GALNT7: variants seen among roughly 807,000 people sequenced by gnomAD.
The protein encoded by GALNT7 is polypeptide N-acetylgalactosaminyltransferase 7.
GALNT7 carries 60 observed loss-of-function variants against 82.1 expected under a neutral mutation model. That is an observed-to-expected ratio of 0.73 (90% CI 0.59 to 0.91). GALNT7 has a LOEUF of 0.91. GALNT7 is among the 40% of genes least tolerant of loss of function. The pLI is 0.00. For synonymous variants in GALNT7, 243 were observed against 275.1 expected (o/e 0.88, Z 1.15); for missense variants, 660 against 804.2 (o/e 0.82, Z 2.17).
rs34593349 is a variant in GALNT7 at position 173,218,983 on chromosome 4, A to AT, written c.127-28987dup. Among the ~76,000 whole-genome samples, 8 of 149,242 alleles carry AT rather than the reference A, an allele frequency of 5.4e-5. No homozygotes were observed. The East Asian group carries it at 9.8e-4, about 18-fold the overall frequency. On this transcript the variant is annotated intron_variant, in intron 1 of 11. Coordinates refer to ENST00000265000, the MANE Select transcript of GALNT7 (RefSeq NM_017423.3). The stretch of plus-strand genomic sequence containing the variant: ...AGTTGTTTTCTTTTTTCTTAAAAAA[A>AT]TTTTTTTTTTCAACAGGTTTTTGGG...
At position 173,319,688 on chromosome 4, in the gene GALNT7, A is replaced by C. The variant is rs537654867; in HGVS notation, c.1836+1129A>C. 4.6e-5 allele frequency among the ~76,000 whole-genome samples: 7 copies of C among 152,310 alleles called. No homozygotes were observed. The South Asian group carries it at 8.3e-4, about 18-fold the overall frequency. ...AGGTATTTTAAAGACGCAGCACTGA[A>C]TATACATTTGTGTGTTAGATATTAC... On this transcript the variant is annotated intron_variant, in intron 11 of 11. Coordinates refer to ENST00000265000, the MANE Select transcript of GALNT7 (RefSeq NM_017423.3).
At chr4:173,177,164 G>A (rs764272342) in intron 1 of GALNT7, among the ~76,000 whole-genome samples, 6 of 152,090 alleles carry the variant, frequency 3.9e-5, no homozygotes, top group Non-Finnish European at 8.8e-5. Flanking sequence ...CCCATCCCCC[G>A]AATTTCTGAT....
intron 1 of GALNT7, among the ~76,000 whole-genome samples, chr4:173,217,747 A>G (rs1041594709): frequency 2.0e-5 from 3 of 152,220 alleles, no homozygotes; most frequent in Non-Finnish European, 2.9e-5. Context: ...CACACAGTGA[A>G]GATGAAATTT....
intron 1 of GALNT7, among the ~76,000 whole-genome samples, chr4:173,181,629 C>T (rs1471737796): frequency 6.6e-6 from 1 of 152,030 alleles, no homozygotes; most frequent in Non-Finnish European, 1.5e-5. Context: ...ATGTAGGGTA[C>T]GTGAAAGCAC....
chr4:173,302,273 C>T lies in GALNT7; in HGVS notation c.1266+109C>T. 5.5e-6 allele frequency: 4 copies of T among 728,860 alleles called. No individual in the cohort carries two copies. The highest frequency in any genetic ancestry group is 9.9e-6 in the Non-Finnish European group (4 of 403,384). The allele number at this position is 728,860 out of a possible 1,614,324, so 45.1% of individuals were successfully genotyped here. A position where few individuals can be genotyped will look rare whatever the true frequency, so the allele number is the denominator to read the frequency against. On this transcript the variant is annotated intron_variant, in intron 7 of 11. Transcript: ENST00000265000. This position sits in a 1 kb window ranked among gnomAD's most constrained non-coding sequence, Gnocchi z 4.2. The stretch of plus-strand genomic sequence containing the variant: ...GAAAAAAGCCCACAATTATATCATG[C>T]ATTTCTCCAAATTGTATAGAATGAT...
Position 173,302,546 on chromosome 4 carries a change from A to T in GALNT7, c.1266+382A>T, listed in dbSNP as rs951678941. 6.6e-6 allele frequency among the ~76,000 whole-genome samples: 1 copy of T among 152,208 alleles called. No individual in the cohort carries two copies. The highest frequency in any genetic ancestry group is 1.5e-5 in the Non-Finnish European group (1 of 68,034). On this transcript the variant is annotated intron_variant, in intron 7 of 11. Transcript: ENST00000265000. This position sits in a 1 kb window ranked among gnomAD's most constrained non-coding sequence, Gnocchi z 4.2. ...TCACCCTTTACCACTGTAGGACATG[A>T]TTCAAGACAGAAGCAGAGCCCCACA...
intron 1 of GALNT7, among the ~76,000 whole-genome samples, chr4:173,180,215 G>A (rs1351146241): frequency 1.4e-5 from 2 of 145,436 alleles, no homozygotes; most frequent in Admixed American, 1.4e-4. Context: ...AGTCAATTAA[G>A]TTTTTTTTTT....
intron 11 of GALNT7, among the ~76,000 whole-genome samples, chr4:173,319,657 T>A (rs1281579959): frequency 6.6e-6 from 1 of 152,050 alleles, no homozygotes; most frequent in East Asian, 1.9e-4. Context: ...ACACATAACA[T>A]GTTTTAGGTA....
intron 1 of GALNT7, among the ~76,000 whole-genome samples, chr4:173,209,935 C>T (rs1733220451): frequency 6.6e-6 from 1 of 152,026 alleles, no homozygotes; most frequent in South Asian, 2.1e-4. Context: ...GAGTTCCAGA[C>T]CAGCCTGAGC....
intron 2 of GALNT7, among the ~76,000 whole-genome samples, chr4:173,287,636 A>G (rs1483063324): frequency 1.3e-5 from 2 of 152,182 alleles, no homozygotes; most frequent in African/African-American, 2.4e-5. Flanking sequence ...CATCCTTCAT[A>G]GGTGCCGCCC....
chr4:173,209,756 C>T (rs1437120612), intron 1 of GALNT7, among the ~76,000 whole-genome samples: 2 of 152,236 alleles, frequency 1.3e-5, no homozygotes, highest in East Asian at 3.9e-4. Context: ...CCTTCGCCTG[C>T]CTGCCTTCCT....
intron 1 of GALNT7, among the ~76,000 whole-genome samples, chr4:173,171,411 G>A (rs189391688): frequency 1.7e-4 from 26 of 152,304 alleles, no homozygotes; most frequent in Admixed American, 8.5e-4. Flanking sequence ...TAGCCTGAAC[G>A]ATCCAGTTTA....
intron 2 of GALNT7, among the ~76,000 whole-genome samples, chr4:173,252,775 A>G (rs868699203): frequency 1.3e-5 from 2 of 152,208 alleles, no homozygotes; most frequent in African/African-American, 2.4e-5. Flanking sequence ...CCTGCCTTCA[A>G]GGGGCTCACC....
At position 173,292,330 on chromosome 4, in the gene GALNT7, G is replaced by A; in HGVS notation, c.754+56G>A. 2 of 1,068,924 alleles carry A rather than the reference G, an allele frequency of 1.9e-6. No homozygotes were observed. The highest frequency in any genetic ancestry group is 1.6e-5 in the African/African-American group (1 of 62,122). The allele number at this position is 1,068,924 out of a possible 1,614,324, so 66.2% of individuals were successfully genotyped here. A position where few individuals can be genotyped will look rare whatever the true frequency, so the allele number is the denominator to read the frequency against. On this transcript the variant is annotated intron_variant, in intron 3 of 11. Transcript: ENST00000265000. This position sits in a 1 kb window ranked among gnomAD's most constrained non-coding sequence, Gnocchi z 4.8. ...TAAAATAAGTTAAGCATGAATAATT[G>A]CAAAAAGGTGATTTCAAAATAATTA...
chr4:173,189,500 T>C (rs778631269), intron 1 of GALNT7, among the ~76,000 whole-genome samples: 25 of 152,240 alleles, frequency 1.6e-4, no homozygotes, highest in Non-Finnish European at 2.4e-4. Context: ...CATGGAAATA[T>C]CAAAATAGTT....
chr4:173,274,570 A>G (rs1735833992), intron 2 of GALNT7, among the ~76,000 whole-genome samples: 1 of 152,210 alleles, frequency 6.6e-6, no homozygotes, highest in African/African-American at 2.4e-5. Flanking sequence ...ATAACCTAAC[A>G]GAGCCTCAGT....
At chr4:173,245,515 C>T (rs909947549) in intron 1 of GALNT7, among the ~76,000 whole-genome samples, 2 of 152,110 alleles carry the variant, frequency 1.3e-5, no homozygotes, top group Non-Finnish European at 2.9e-5. Context: ...TATTTAATAA[C>T]ATTTCCTTAC....
chr4:173,283,535 G>A (rs1179979248), intron 2 of GALNT7, among the ~76,000 whole-genome samples: 2 of 151,826 alleles, frequency 1.3e-5, no homozygotes, highest in East Asian at 3.9e-4. Flanking sequence ...GGCTACTTGG[G>A]AGGCTGAAGC....
At chr4:173,186,992 G>A (rs533689562) in intron 1 of GALNT7, among the ~76,000 whole-genome samples, 13 of 152,092 alleles carry the variant, frequency 8.5e-5, no homozygotes, top group Non-Finnish European at 1.5e-4. Context: ...TCCTGACCTC[G>A]TGATCCACCC....
Sources: gnomAD v4.1 joint callset for allele counts (sites outside exome capture counted in the v4.1 genomes callset) on GRCh38, gnomAD v4.1.1 for gene constraint, Gnocchi (gnomAD v3.1) non-coding constraint, MANE v1.5 for transcripts, NCBI Gene and HGNC (gene_info 2026-07-23, HGNC 2026-07-21) for gene names.